The following SKIC3 variants were observed in gnomAD, a reference collection of about 807,000 sequenced individuals.
The protein encoded by SKIC3 is superkiller complex protein 3.
chr5:95,504,079 C>CG, the SKIC3 span: 1 of 4,164 alleles, frequency 2.4e-4, no homozygotes, highest in African/African-American at 1.4e-3. Flanking sequence ...GAGGCCCAGG[C>CG]GGGGGGTGGG....
the SKIC3 span, among the ~76,000 whole-genome samples, chr5:95,512,126 G>A: frequency 6.6e-6 from 1 of 152,162 alleles, no homozygotes; most frequent in East Asian, 1.9e-4. Flanking sequence ...GAAGTTAAGG[G>A]TGGTAAAACA....
chr5:95,479,114 A>G, the SKIC3 span, among the ~76,000 whole-genome samples: 3 of 152,174 alleles, frequency 2.0e-5, no homozygotes, highest in Non-Finnish European at 2.9e-5. Context: ...AAAACCTTTC[A>G]AAGAATAAGT....
At chr5:95,530,775 TAA>T in the SKIC3 span, among the ~76,000 whole-genome samples, 1 of 152,220 alleles carries the variant, frequency 6.6e-6, no homozygotes, top group African/African-American at 2.4e-5. Flanking sequence ...TTTTTCTATA[TAA>T]GTGAATTGTG....
the SKIC3 span, chr5:95,464,742 A>AT: frequency 1.4e-6 from 2 of 1,417,852 alleles, no homozygotes; most frequent in Non-Finnish European, 2.0e-6. Context: ...CTATATTTTG[A>AT]TTCATTGAAG....
At chr5:95,545,089 A>G in the SKIC3 span, among the ~76,000 whole-genome samples, 2 of 152,172 alleles carry the variant, frequency 1.3e-5, no homozygotes, top group Non-Finnish European at 1.5e-5. Flanking sequence ...ATAAATTATT[A>G]ACTATTTGGT....
the SKIC3 span, among the ~76,000 whole-genome samples, chr5:95,526,715 T>C: frequency 6.6e-6 from 1 of 152,122 alleles, no homozygotes; most frequent in Admixed American, 6.6e-5. Context: ...GTGATCCACC[T>C]GCCTCGGCCT....
chr5:95,493,114 A>T, the SKIC3 span, among the ~76,000 whole-genome samples: 1 of 152,200 alleles, frequency 6.6e-6, no homozygotes, highest in Non-Finnish European at 1.5e-5. Flanking sequence ...TAAATTCCTG[A>T]CAAGACTCCC....
the SKIC3 span, chr5:95,528,984 A>G: frequency 1.2e-6 from 2 of 1,611,974 alleles, no homozygotes; most frequent in African/African-American, 2.7e-5. Flanking sequence ...TGTCAACCCA[A>G]AAAGTATCAA....
the SKIC3 span, among the ~76,000 whole-genome samples, chr5:95,506,194 A>G: frequency 6.6e-6 from 1 of 152,222 alleles, no homozygotes; most frequent in Non-Finnish European, 1.5e-5. Context: ...GAACAGTTCA[A>G]TCTTCCAATT....
chr5:95,534,669 C>T, the SKIC3 span, among the ~76,000 whole-genome samples: 1 of 152,272 alleles, frequency 6.6e-6, no homozygotes, highest in African/African-American at 2.4e-5. Flanking sequence ...CCACCTTCTT[C>T]TCTGACCTCA....
At chr5:95,540,735 G>C in the SKIC3 span, 2 of 1,614,018 alleles carry the variant, frequency 1.2e-6, no homozygotes, top group Non-Finnish European at 1.7e-6. Flanking sequence ...TTTCAGCCAG[G>C]AACTGAGTCA....
At chr5:95,541,734 G>C in the SKIC3 span, 2 of 1,027,124 alleles carry the variant, frequency 1.9e-6, no homozygotes, top group Non-Finnish European at 2.9e-6. Flanking sequence ...GTAAATGCTG[G>C]AATACTTCTA....
chr5:95,468,294 A>G, the SKIC3 span, among the ~76,000 whole-genome samples: 1 of 152,158 alleles, frequency 6.6e-6, no homozygotes, highest in South Asian at 2.1e-4. Flanking sequence ...TCCTCATTCC[A>G]AAGAGAACAG....
chr5:95,515,017 C>T, the SKIC3 span: 227 of 1,211,940 alleles, frequency 1.9e-4, no homozygotes, highest in Non-Finnish European at 2.5e-4. Flanking sequence ...TCAAACCTCT[C>T]ATCATAAATA....
the SKIC3 span, among the ~76,000 whole-genome samples, chr5:95,472,565 T>A: frequency 6.6e-6 from 1 of 151,926 alleles, no homozygotes; most frequent in East Asian, 1.9e-4. Context: ...AGGGGGAAAA[T>A]GGGTGAGGCA....
At chr5:95,512,823 C>T in the SKIC3 span, 39 of 572,522 alleles carry the variant, frequency 6.8e-5, no homozygotes, top group African/African-American at 1.1e-4. Flanking sequence ...CCAATCCTAA[C>T]GAGAAGAATC....
chr5:95,490,889 G>T, the SKIC3 span: 379 of 1,613,626 alleles, frequency 2.3e-4, 1 homozygote, highest in South Asian at 3.9e-3. Flanking sequence ...CATGTATAAA[G>T]ATGCTTTTAA....
chr5:95,544,227 G>T, the SKIC3 span, among the ~76,000 whole-genome samples: 1 of 152,084 alleles, frequency 6.6e-6, no homozygotes, highest in Non-Finnish European at 1.5e-5. Context: ...AAGGCACTCA[G>T]GCCTCATAGC....
At chr5:95,534,544 A>C in the SKIC3 span, among the ~76,000 whole-genome samples, 1 of 152,142 alleles carries the variant, frequency 6.6e-6, no homozygotes, top group Non-Finnish European at 1.5e-5. Context: ...AGATAGCCTT[A>C]ATAAAAAGCC....
Sources: allele counts gnomAD v4.1 joint callset (sites outside exome capture counted in the v4.1 genomes callset), GRCh38; gene constraint gnomAD v4.1.1; transcripts MANE v1.5; gene names NCBI Gene and HGNC (gene_info 2026-07-23, HGNC 2026-07-21).